The following FGFR2 variants were observed in gnomAD, a reference collection of about 807,000 sequenced individuals.
The protein encoded by FGFR2 is BEK fibroblast growth factor receptor.
FGFR2 carries 19 observed loss-of-function variants against 95.9 expected under a neutral mutation model. That is an observed-to-expected ratio of 0.20 (90% CI 0.14 to 0.29). FGFR2 has a LOEUF of 0.29. Among genes scored for constraint, FGFR2 ranks in the 10% least tolerant of loss-of-function variants. FGFR2 has a pLI of 1.00. For missense variants in FGFR2, 707 were observed against 1,056.9 expected, an observed-to-expected ratio of 0.67 and a Z score of 4.59; for synonymous variants, 392 against 393.3, an observed-to-expected ratio of 1.00 and a Z score of 0.04.
intron 6 of FGFR2, among the ~76,000 whole-genome samples, chr10:121,529,255 C>A (rs1851788139): frequency 6.6e-6 from 1 of 151,996 alleles, no homozygotes; most frequent in Admixed American, 6.6e-5. Flanking sequence ...ATTACAGGCA[C>A]ACAACACCAC....
intron 2 of FGFR2, chr10:121,583,185 T>TC (rs1249572811): frequency 6.6e-6 from 1 of 152,250 alleles, no homozygotes; most frequent in African/African-American, 2.4e-5. Flanking sequence ...GGTCAGGTAG[T>TC]CCTTGGTGCT....
chr10:121,508,021 A>G (rs1402085088), intron 9 of FGFR2, among the ~76,000 whole-genome samples: 1 of 152,270 alleles, frequency 6.6e-6, no homozygotes, highest in African/African-American at 2.4e-5. Flanking sequence ...GTTAGTTATT[A>G]CAGGTATCAC....
At chr10:121,575,597 G>A (rs1157051310) in intron 2 of FGFR2, among the ~76,000 whole-genome samples, 1 of 152,198 alleles carries the variant, frequency 6.6e-6, no homozygotes, top group African/African-American at 2.4e-5. Flanking sequence ...GCTCATGCCT[G>A]TAATCCCAGC....
At chr10:121,558,813 T>C (rs1361847008) in intron 4 of FGFR2, among the ~76,000 whole-genome samples, 1 of 151,944 alleles carries the variant, frequency 6.6e-6, no homozygotes, top group Admixed American at 6.6e-5. Flanking sequence ...GGTCTCGAAC[T>C]CCTGACCTTG....
At chr10:121,510,918 T>TA (rs1320950113) in intron 9 of FGFR2, among the ~76,000 whole-genome samples, 2 of 151,882 alleles carry the variant, frequency 1.3e-5, no homozygotes, top group Non-Finnish European at 2.9e-5. Flanking sequence ...TCTCCTGCCT[T>TA]AGTTTCCCAA....
intron 5 of FGFR2, among the ~76,000 whole-genome samples, chr10:121,548,281 G>GTTTTTTTTTTTTTTTT (rs1854856584): frequency 6.3e-5 from 2 of 31,990 alleles, no homozygotes; most frequent in Non-Finnish European, 6.2e-5. Context: ...TTTTTTTTTG[G>GTTTTTTTTTTTTTTTT]TAAAGCAAAA....
chr10:121,492,171 T>C (rs1214269924), intron 13 of FGFR2, among the ~76,000 whole-genome samples: 3 of 152,114 alleles, frequency 2.0e-5, no homozygotes, highest in African/African-American at 7.2e-5. Context: ...TGAGACCCTG[T>C]CTCAAAAACA....
chr10:121,574,262 C>T (rs1859330124), intron 2 of FGFR2, among the ~76,000 whole-genome samples: 1 of 152,102 alleles, frequency 6.6e-6, no homozygotes, highest in South Asian at 2.1e-4. Flanking sequence ...GGTGCGGTGG[C>T]TCATGTCTGT....
chr10:121,512,876 CTT>C (rs903690420), intron 9 of FGFR2, among the ~76,000 whole-genome samples: 1 of 151,340 alleles, frequency 6.6e-6, no homozygotes, highest in African/African-American at 2.4e-5. Context: ...AATTCTCTCT[CTT>C]TTTTTTTAAA....
chr10:121,581,017 C>G (rs1343663943), intron 2 of FGFR2, among the ~76,000 whole-genome samples: 1 of 152,204 alleles, frequency 6.6e-6, no homozygotes, highest in Non-Finnish European at 1.5e-5. Context: ...GGCCTGACTC[C>G]CCTGGCCGCC....
At chr10:121,586,571 G>A (rs1425718600) in intron 2 of FGFR2, among the ~76,000 whole-genome samples, 2 of 152,210 alleles carry the variant, frequency 1.3e-5, no homozygotes, top group Non-Finnish European at 2.9e-5. Flanking sequence ...GTATTCCAAA[G>A]TGGAGTAAAT....
chr10:121,597,201 AGC>A (rs1863554374), intron 1 of FGFR2, among the ~76,000 whole-genome samples: 1 of 152,216 alleles, frequency 6.6e-6, no homozygotes, highest in Non-Finnish European at 1.5e-5. Flanking sequence ...GGTCGGAGCC[AGC>A]GCCACGCAGG....
intron 2 of FGFR2, among the ~76,000 whole-genome samples, chr10:121,582,120 C>A (rs1007079067): frequency 3.3e-5 from 5 of 151,958 alleles, no homozygotes; most frequent in African/African-American, 1.2e-4. Flanking sequence ...TTAGTAGAGA[C>A]CACGTTTCAC....
intron 6 of FGFR2, among the ~76,000 whole-genome samples, chr10:121,532,747 T>G (rs1852258917): frequency 6.6e-6 from 1 of 152,176 alleles, no homozygotes; most frequent in South Asian, 2.1e-4. Context: ...CAAAACTCCC[T>G]TCCAGGTGTC....
intron 2 of FGFR2, among the ~76,000 whole-genome samples, chr10:121,589,784 C>T (rs116063295): frequency 6.6e-6 from 1 of 152,144 alleles, no homozygotes; most frequent in Non-Finnish European, 1.5e-5. Flanking sequence ...TTTAATTGAC[C>T]AAGAATAAGT....
chr10:121,487,313 C>T, intron 15 of FGFR2, 41 bp downstream of exon 15: 2 of 1,531,742 alleles, frequency 1.3e-6, no homozygotes, highest in African/African-American at 1.4e-5. Flanking sequence ...ATTTTTGCAG[C>T]TCAAGCCCAG....
chr10:121,522,832 C>CT (rs1850746594), intron 6 of FGFR2, among the ~76,000 whole-genome samples: 1 of 152,142 alleles, frequency 6.6e-6, no homozygotes, highest in Admixed American at 6.6e-5. Flanking sequence ...GTACCACTAC[C>CT]CTAACCTCCA....
At chr10:121,566,417 C>A (rs568780617) in intron 2 of FGFR2, among the ~76,000 whole-genome samples, 1 of 152,192 alleles carries the variant, frequency 6.6e-6, no homozygotes, top group Non-Finnish European at 1.5e-5. Context: ...GTCTCCGTTG[C>A]ACTTACAGGG....
chr10:121,487,576 A>C (rs3135803), intron 14 of FGFR2, 152 bp from the exon 15 acceptor site: 51 of 711,924 alleles, frequency 7.2e-5, no homozygotes, highest in Non-Finnish European at 1.1e-4. Flanking sequence ...GAGGACCATG[A>C]ACAATGTGTG....
Sources: gnomAD v4.1 joint callset for allele counts (sites outside exome capture counted in the v4.1 genomes callset) on GRCh38, gnomAD v4.1.1 for gene constraint, MANE v1.5 for transcripts, NCBI Gene and HGNC (gene_info 2026-07-23, HGNC 2026-07-21) for gene names.